GPHN: variants seen among roughly 807,000 people sequenced by gnomAD.
The protein encoded by GPHN is gephyrin.
A neutral mutation model predicts 95.5 loss-of-function variants in GPHN; 17 were observed. That is an observed-to-expected ratio of 0.18 (90% CI 0.12 to 0.27). The LOEUF is 0.27. Among genes scored for constraint, GPHN ranks in the 10% least tolerant of loss-of-function variants. GPHN has a pLI of 1.00. For missense variants in GPHN, 660 were observed against 978.1 expected (o/e 0.67, Z 4.34); for synonymous variants, 320 against 322.5 (o/e 0.99, Z 0.08).
At chr14:67,557,620 G>C in the GPHN span, among the ~76,000 whole-genome samples, 1 of 152,250 alleles carries the variant, frequency 6.6e-6, no homozygotes, top group East Asian at 1.9e-4. Flanking sequence ...AGGGGATAGA[G>C]TAGAAAAAGG....
At chr14:67,558,133 C>T in the GPHN span, among the ~76,000 whole-genome samples, 1 of 152,196 alleles carries the variant, frequency 6.6e-6, no homozygotes, top group Non-Finnish European at 1.5e-5. Flanking sequence ...TTCCTGTGTC[C>T]TGCCTTCTCC....
intron 2 of GPHN, among the ~76,000 whole-genome samples, chr14:66,756,038 A>C (rs1402512916): frequency 6.6e-6 from 1 of 152,182 alleles, no homozygotes; most frequent in Non-Finnish European, 1.5e-5. Flanking sequence ...ATAAACACAA[A>C]GATTGTCTAT....
chr14:67,050,174 T>G (rs1468020811), intron 10 of GPHN, among the ~76,000 whole-genome samples: 2 of 152,244 alleles, frequency 1.3e-5, no homozygotes, highest in Admixed American at 1.3e-4. Context: ...CATGCATATA[T>G]AAAATTTTTG....
the GPHN span, among the ~76,000 whole-genome samples, chr14:67,490,901 G>A: frequency 6.6e-6 from 1 of 152,100 alleles, no homozygotes; most frequent in Non-Finnish European, 1.5e-5. Flanking sequence ...GCGTGGAGGG[G>A]GGCAGATATG....
chr14:67,372,410 A>G, the GPHN span, among the ~76,000 whole-genome samples: 2 of 152,242 alleles, frequency 1.3e-5, no homozygotes, highest in Non-Finnish European at 1.5e-5. Context: ...TAAAAGCGTT[A>G]TCCATGAAAG....
At chr14:66,998,908 CAT>C (rs35082959) in intron 9 of GPHN, among the ~76,000 whole-genome samples, 24,551 of 144,758 alleles carry the variant, frequency 0.17, 3,989 homozygotes, top group African/African-American at 0.39. Flanking sequence ...TATATATACA[CAT>C]ATATATATAT....
intron 1 of GPHN, among the ~76,000 whole-genome samples, chr14:66,606,243 C>CA (rs1231105829): frequency 6.6e-6 from 1 of 152,102 alleles, no homozygotes; most frequent in African/African-American, 2.4e-5. Context: ...ATTTATTGAA[C>CA]AGGGAGTCCT....
the GPHN span, among the ~76,000 whole-genome samples, chr14:67,479,515 C>T: frequency 2.6e-5 from 4 of 151,250 alleles, no homozygotes; most frequent in East Asian, 3.9e-4. Context: ...GTCAGGAGTT[C>T]GAGACCAGCC....
At chr14:66,662,718 C>T (rs1353202353) in intron 1 of GPHN, among the ~76,000 whole-genome samples, 1 of 152,170 alleles carries the variant, frequency 6.6e-6, no homozygotes, top group Non-Finnish European at 1.5e-5. Flanking sequence ...CAGGAAGCTA[C>T]AGATCATGAT....
the GPHN span, among the ~76,000 whole-genome samples, chr14:67,634,054 T>C: frequency 6.6e-6 from 1 of 152,192 alleles, no homozygotes; most frequent in African/African-American, 2.4e-5. Flanking sequence ...TATTTCTGCA[T>C]TCCTAGGATT....
chr14:66,755,445 A>G (rs2058523044), intron 2 of GPHN, among the ~76,000 whole-genome samples: 1 of 152,112 alleles, frequency 6.6e-6, no homozygotes, highest in Non-Finnish European at 1.5e-5. Flanking sequence ...TAAATAATAG[A>G]CAGTTCCTCA....
At chr14:67,214,880 A>C in the GPHN span, among the ~76,000 whole-genome samples, 2 of 152,064 alleles carry the variant, frequency 1.3e-5, no homozygotes, top group Non-Finnish European at 2.9e-5. Context: ...GAGGTCCTTC[A>C]CATCCCTTGT....
intron 4 of GPHN, among the ~76,000 whole-genome samples, chr14:66,836,208 A>G (rs9672135): frequency 0.15 from 16,181 of 108,736 alleles, 2,723 homozygotes; most frequent in African/African-American, 0.47. Context: ...CAAGGCTACA[A>G]TAACCAAAAC....
At chr14:67,033,036 A>AC (rs1414552678) in intron 10 of GPHN, among the ~76,000 whole-genome samples, 7 of 152,212 alleles carry the variant, frequency 4.6e-5, no homozygotes, top group African/African-American at 1.4e-4. Flanking sequence ...AAATCAGGAA[A>AC]CCAATGAATG....
chr14:66,785,546 A>G (rs1461019723), intron 3 of GPHN, among the ~76,000 whole-genome samples: 2 of 152,058 alleles, frequency 1.3e-5, no homozygotes, highest in Non-Finnish European at 2.9e-5. Flanking sequence ...AAAAATTGAA[A>G]TATACAGAAT....
chr14:67,414,273 T>C, the GPHN span, among the ~76,000 whole-genome samples: 2 of 152,196 alleles, frequency 1.3e-5, no homozygotes, highest in African/African-American at 4.8e-5. Flanking sequence ...TAGAACCTGC[T>C]TCCTGTCCTA....
chr14:67,094,249 A>G (rs779084585), intron 12 of GPHN, among the ~76,000 whole-genome samples: 1 of 152,188 alleles, frequency 6.6e-6, no homozygotes, highest in African/African-American at 2.4e-5. Context: ...ATCAAATAAT[A>G]TAACCAGAAA....
At chr14:67,611,843 T>C in the GPHN span, among the ~76,000 whole-genome samples, 1 of 152,166 alleles carries the variant, frequency 6.6e-6, no homozygotes, top group African/African-American at 2.4e-5. Context: ...GCTATTATTA[T>C]TACATTGTAA....
At chr14:67,555,143 C>T in the GPHN span, among the ~76,000 whole-genome samples, 6 of 152,150 alleles carry the variant, frequency 3.9e-5, no homozygotes, top group Non-Finnish European at 7.3e-5. Context: ...GTCTTGAACT[C>T]CAGGGCTCAA....
Sources: allele counts gnomAD v4.1 joint callset (sites outside exome capture counted in the v4.1 genomes callset), GRCh38; gene constraint gnomAD v4.1.1; transcripts MANE v1.5; gene names NCBI Gene and HGNC (gene_info 2026-07-23, HGNC 2026-07-21).